Variants in DPP10 observed in about 807,000 individuals in gnomAD.
DPP10 encodes inactive dipeptidyl peptidase 10.
A neutral mutation model predicts 120.9 loss-of-function variants in DPP10; 33 were observed. The ratio of observed to expected loss-of-function variants is 0.27; its 90% CI spans 0.21 to 0.37. The LOEUF is 0.37. DPP10 is among the 10% of genes least tolerant of loss of function. The probability of loss-of-function intolerance (pLI) is 1.00; values close to 1 mark genes in which losing one functional copy is unlikely to be tolerated. For missense variants in DPP10, 816 were observed against 942.8 expected (o/e 0.87, Z 1.76); for synonymous variants, 337 against 326.1 (o/e 1.03, Z -0.36).
intron 1 of DPP10, among the ~76,000 whole-genome samples, chr2:115,089,136 CTCT>C (rs774843480): frequency 2.6e-5 from 4 of 151,870 alleles, no homozygotes; most frequent in Non-Finnish European, 5.9e-5. Context: ...CTTTTTTTTC[CTCT>C]TTTATCCATT....
chr2:115,198,167 C>A (rs896783918), intron 1 of DPP10, among the ~76,000 whole-genome samples: 1 of 152,116 alleles, frequency 6.6e-6, no homozygotes, highest in Non-Finnish European at 1.5e-5. Context: ...AATACATATG[C>A]CTGTCCTAAA....
At chr2:115,577,917 G>A (rs564560174) in intron 5 of DPP10, among the ~76,000 whole-genome samples, 3 of 152,148 alleles carry the variant, frequency 2.0e-5, no homozygotes, top group African/African-American at 7.2e-5. Context: ...CTGGCTGTTA[G>A]GACTTCAGCA....
intron 5 of DPP10, among the ~76,000 whole-genome samples, chr2:115,681,537 T>C (rs1409907548): frequency 6.6e-6 from 1 of 151,838 alleles, no homozygotes; most frequent in African/African-American, 2.4e-5. Context: ...GCTTTTCTGG[T>C]TGTAATCTCT....
chr2:115,606,636 T>C (rs2083723332), intron 5 of DPP10, among the ~76,000 whole-genome samples: 1 of 152,164 alleles, frequency 6.6e-6, no homozygotes, highest in Admixed American at 6.5e-5. Flanking sequence ...GGACACCCTT[T>C]AGTCAGTAAG....
chr2:114,598,753 A>G (rs550233808), intron 1 of DPP10, among the ~76,000 whole-genome samples: 63 of 152,044 alleles, frequency 4.1e-4, no homozygotes, highest in African/African-American at 1.4e-3. Context: ...TTATTAGATC[A>G]TTTGTTAGCT....
rs2104623277 is a variant in DPP10, at chr2:114,472,740, C to T, written c.60+29902C>T. On this transcript the variant is annotated intron_variant, in intron 1 of 25. Coordinates refer to ENST00000410059, the MANE Select transcript of DPP10 (RefSeq NM_020868.6). ...TTAGTGGTGATGGAGACCCCTCTAG[C>T]TAGAAGAAACTTTTGGTATTTGTTT... Among the ~76,000 whole-genome samples the T allele has an allele frequency of 2.0e-5, 3 of 152,260 alleles. No individual in the cohort carries two copies. In the South Asian group the frequency reaches 6.2e-4, roughly 32 times the overall value.
At chr2:115,235,340 T>G (rs540673123) in intron 1 of DPP10, among the ~76,000 whole-genome samples, 67 of 152,300 alleles carry the variant, frequency 4.4e-4, no homozygotes, top group African/African-American at 1.5e-3. Flanking sequence ...TTTCAAGTAT[T>G]TTCCATCTGA....
At chr2:115,031,078 A>AT (rs1249596228) in intron 1 of DPP10, among the ~76,000 whole-genome samples, 4 of 152,066 alleles carry the variant, frequency 2.6e-5, no homozygotes, top group Non-Finnish European at 4.4e-5. Context: ...CTTCTCAGAC[A>AT]TTTTTTTCTT....
intron 1 of DPP10, among the ~76,000 whole-genome samples, chr2:114,832,675 C>T (rs969387879): frequency 5.3e-5 from 8 of 151,926 alleles, no homozygotes; most frequent in African/African-American, 1.9e-4. Flanking sequence ...ATTATTTTTC[C>T]TATTTACAGA....
chr2:115,233,788 C>A (rs921401967), intron 1 of DPP10, among the ~76,000 whole-genome samples: 2 of 152,158 alleles, frequency 1.3e-5, no homozygotes, highest in Non-Finnish European at 2.9e-5. Flanking sequence ...TCCACAGCAT[C>A]CTTTTCACTC....
intron 1 of DPP10, among the ~76,000 whole-genome samples, chr2:114,913,330 T>C (rs1694523585): frequency 6.6e-6 from 1 of 152,068 alleles, no homozygotes; most frequent in Non-Finnish European, 1.5e-5. Flanking sequence ...ACTGAAGCAC[T>C]TTTGCCAGCA....
intron 5 of DPP10, among the ~76,000 whole-genome samples, chr2:115,555,049 A>T (rs539550554): frequency 5.1e-4 from 77 of 152,186 alleles, no homozygotes; most frequent in African/African-American, 1.4e-3. Context: ...ACACCTCTAA[A>T]CTAGAAAGGA....
intron 1 of DPP10, among the ~76,000 whole-genome samples, chr2:115,049,458 C>T (rs1705307584): frequency 2.6e-5 from 4 of 152,212 alleles, no homozygotes; most frequent in Middle Eastern, 3.4e-3. Flanking sequence ...TTGTCTTTAT[C>T]TATGCAATGG....
chr2:115,099,104 G>C (rs1163106218), intron 1 of DPP10, among the ~76,000 whole-genome samples: 4 of 141,910 alleles, frequency 2.8e-5, no homozygotes, highest in Non-Finnish European at 6.1e-5. Context: ...GGCCAAGATG[G>C]CAAAACCCCA....
At chr2:114,631,529 T>G (rs1447534691) in intron 1 of DPP10, among the ~76,000 whole-genome samples, 1 of 152,142 alleles carries the variant, frequency 6.6e-6, no homozygotes, top group Non-Finnish European at 1.5e-5. Flanking sequence ...GAGAGTACTT[T>G]TGGGGACTAA....
intron 3 of DPP10, among the ~76,000 whole-genome samples, chr2:115,453,830 A>T (rs914199042): frequency 2.6e-5 from 4 of 151,550 alleles, no homozygotes; most frequent in Non-Finnish European, 1.5e-5. Context: ...AAAAAGACCA[A>T]CAAAACTGAC....
intron 1 of DPP10, among the ~76,000 whole-genome samples, chr2:114,717,552 C>T (rs1701429530): frequency 6.6e-6 from 1 of 152,150 alleles, no homozygotes; most frequent in African/African-American, 2.4e-5. Flanking sequence ...GACTCAAAAA[C>T]AGATTGGCTC....
intron 1 of DPP10, among the ~76,000 whole-genome samples, chr2:115,223,360 T>C (rs949662251): frequency 6.6e-6 from 1 of 152,178 alleles, no homozygotes; most frequent in Non-Finnish European, 1.5e-5. Context: ...ATTCATAGGT[T>C]TAATTATGGC....
At chr2:114,809,129 G>A (rs945194926) in intron 1 of DPP10, among the ~76,000 whole-genome samples, 2 of 151,950 alleles carry the variant, frequency 1.3e-5, no homozygotes, top group African/African-American at 4.8e-5. Context: ...ACAGTGCTTG[G>A]GACTAGTGGA....
Sources: allele counts gnomAD v4.1 joint callset (sites outside exome capture counted in the v4.1 genomes callset), GRCh38; gene constraint gnomAD v4.1.1; transcripts MANE v1.5; gene names NCBI Gene and HGNC (gene_info 2026-07-23, HGNC 2026-07-21).